BBS2: variants seen among roughly 807,000 people sequenced by gnomAD.
BBS2 encodes the protein BBSome complex member BBS2.
Under a neutral mutation model 83.0 loss-of-function variants are expected in BBS2, and 62 were observed. The ratio of observed to expected loss-of-function variants is 0.75; its 90% CI spans 0.61 to 0.92. The LOEUF (loss-of-function observed/expected upper bound fraction) is 0.92, where lower values mean the gene tolerates loss of function less well. BBS2 is among the 40% of genes least tolerant of loss of function. The probability of loss-of-function intolerance (pLI) is 0.00; values close to 1 mark genes in which losing one functional copy is unlikely to be tolerated. For synonymous variants in BBS2, 303 were observed against 326.1 expected, an observed-to-expected ratio of 0.93 and a Z score of 0.76; for missense variants, 784 against 901.0, an observed-to-expected ratio of 0.87 and a Z score of 1.66.
chr16:56,484,933 G>T, intron 16 of BBS2, 66 bp from the exon 17 acceptor site: 2 of 1,240,880 alleles, frequency 1.6e-6, no homozygotes, highest in Non-Finnish European at 1.2e-6. Context: ...TTAGACGTCA[G>T]TTTTAAAACA....
chr16:56,502,882 C>A, intron 7 of BBS2, 74 bp from the exon 8 acceptor site: 6 of 1,555,110 alleles, frequency 3.9e-6, no homozygotes, highest in Non-Finnish European at 5.3e-6. Flanking sequence ...AAATAAAAAT[C>A]AGCTTTAAAG....
chr16:56,509,584 G>C (rs1351899225), intron 5 of BBS2: 1 of 211,938 alleles, frequency 4.7e-6, no homozygotes, highest in African/African-American at 2.3e-5. Context: ...TTCCTATTAG[G>C]GTTGTTGTAA....
intron 1 of BBS2, among the ~76,000 whole-genome samples, chr16:56,517,149 C>G (rs552597953): frequency 6.6e-6 from 1 of 152,308 alleles, no homozygotes; most frequent in Non-Finnish European, 1.5e-5. Context: ...CTCCCTACAT[C>G]CCGTCACAGA....
At position 56,509,830 on chromosome 16, in the gene BBS2, C is replaced by T. The variant is rs904318761; in HGVS notation, c.612+127G>A. On this transcript the variant is annotated intron_variant, in intron 5 of 16. Coordinates refer to ENST00000245157, the MANE Select transcript of BBS2 (RefSeq NM_031885.5). ...ATAACATACAGCTCTGTCTGACCCC[C>T]TCCCCAAGCTTTTATCCTAAAACCA... The T allele has an allele frequency of 1.8e-5, 16 of 871,560 alleles. No homozygotes were observed. In the Admixed American group the frequency reaches 2.4e-4, roughly 13 times the overall value. 54.0% of individuals were successfully genotyped at this position (871,560 alleles called of 1,614,324 possible).
rs1964592032 is a variant in BBS2 at position 56,512,022 on chromosome 16, T to TA, written c.346-739dup. ...CAATAATAAAGAGACAAACTACCAA[T>TA]AAAAAATAGGCAAAAGACTTAAGAC... On this transcript the variant is annotated intron_variant, in intron 2 of 16. Coordinates refer to ENST00000245157, the MANE Select transcript of BBS2 (RefSeq NM_031885.5). Among the ~76,000 whole-genome samples, 3 of 152,020 alleles carry TA rather than the reference T, an allele frequency of 2.0e-5. No homozygotes were observed. In the South Asian group the frequency reaches 6.2e-4, roughly 32 times the overall value.
intron 5 of BBS2, 175 bp downstream of exon 5, chr16:56,509,782 G>T: frequency 3.3e-6 from 2 of 607,402 alleles, no homozygotes; most frequent in South Asian, 1.9e-5. Context: ...ATCTTAATTA[G>T]GATTTTTATT....
intron 17 of BBS2, chr16:56,475,358 G>C (rs914928661): frequency 3.0e-5 from 22 of 740,710 alleles, no homozygotes; most frequent in African/African-American, 7.1e-5. Flanking sequence ...TAAACTAGAT[G>C]ATAAGTTCAA....
chr16:56,474,954 A>C (rs1963389365), intron 17 of BBS2: 1 of 1,613,416 alleles, frequency 6.2e-7, no homozygotes, highest in Non-Finnish European at 8.5e-7. Flanking sequence ...TGTGAAGGTA[A>C]GAGGGAGGAA....
chr16:56,483,499 G>A (rs1963695160), downstream of BBS2, among the ~76,000 whole-genome samples: 1 of 152,104 alleles, frequency 6.6e-6, no homozygotes, highest in Admixed American at 6.6e-5. Context: ...CATGATTAAA[G>A]GAACCTGGGT....
chr16:56,472,185 G>A (rs1349999716), intron 17 of BBS2, among the ~76,000 whole-genome samples: 1 of 151,770 alleles, frequency 6.6e-6, no homozygotes, highest in Non-Finnish European at 1.5e-5. Flanking sequence ...GCCCAGGCTG[G>A]TCTCAAACCC....
intron 15 of BBS2, among the ~76,000 whole-genome samples, chr16:56,491,725 C>CAAAAA (rs773397021): frequency 2.5e-4 from 11 of 43,196 alleles, no homozygotes; most frequent in Non-Finnish European, 4.1e-4. Flanking sequence ...AACTCAACAG[C>CAAAAA]AAAAAAAAAA....
At chr16:56,519,669 CG>C in intron 1 of BBS2, 76 bp downstream of exon 1, 1 of 1,225,240 alleles carries the variant, frequency 8.2e-7, no homozygotes, top group Non-Finnish European at 1.2e-6. Flanking sequence ...GGAGAGGGGA[CG>C]GGATCCCAGG....
intron 15 of BBS2, 122 bp downstream of exon 15, chr16:56,496,845 C>A: frequency 1.2e-6 from 1 of 804,336 alleles, no homozygotes; most frequent in South Asian, 1.4e-5. Flanking sequence ...ACTGATAATG[C>A]CAAGTTATTT....
rs759318255 is a variant in BBS2, at chr16:56,501,025, T to C, written c.1226A>G (p.Asp409Gly). 3 of 1,614,180 alleles carry C rather than the reference T, an allele frequency of 1.9e-6. No homozygotes were observed. Among genetic ancestry groups the C allele is most frequent in the African/African-American group, 1.3e-5 (1 of 75,052 alleles). ...HTELRISTSN[D>G]TIIRAVLIFA... ...AATCAATACTGCTCGGATGATGGTG[T>C]CTGCAGGGAAGAGTAAAAACAGTTT... Residue 409 changes from aspartate (D) to glycine (G), a missense_variant and splice_region_variant, in exon 11 of 17, where the codon GAC (aspartate) becomes GGC (glycine). Physicochemically the swap from Asp to Gly is moderately conservative, Grantham distance 94. Transcript: ENST00000245157.
intron 2 of BBS2, 49 bp from the exon 3 acceptor site, chr16:56,511,333 C>T: frequency 6.2e-7 from 1 of 1,609,998 alleles, no homozygotes; most frequent in Non-Finnish European, 8.5e-7. Context: ...AATATGCAGG[C>T]CCACATATTA....
intron 14 of BBS2, 183 bp from the exon 15 acceptor site, chr16:56,497,262 C>T: frequency 1.6e-6 from 1 of 643,782 alleles, no homozygotes; most frequent in Non-Finnish European, 2.8e-6. Context: ...GTGCTGCCTC[C>T]AATTTCAACA....
chr16:56,508,490 A>G (rs1179183909), intron 5 of BBS2, among the ~76,000 whole-genome samples: 1 of 151,960 alleles, frequency 6.6e-6, no homozygotes, highest in African/African-American at 2.4e-5. Context: ...AGAATATCTT[A>G]TTTTTTTCTG....
intron 1 of BBS2, among the ~76,000 whole-genome samples, chr16:56,517,625 G>A (rs1023240643): frequency 6.6e-6 from 1 of 152,168 alleles, no homozygotes; most frequent in Admixed American, 6.5e-5. Context: ...CCTCTCAAAT[G>A]TAAGCTCCAA....
chr16:56,473,794 A>G (rs1158788883), intron 17 of BBS2, among the ~76,000 whole-genome samples: 1 of 151,542 alleles, frequency 6.6e-6, no homozygotes, highest in Non-Finnish European at 1.5e-5. Context: ...AAAAAGTTAC[A>G]TATAGGAGTA....
Sources: gnomAD v4.1 joint callset for allele counts (sites outside exome capture counted in the v4.1 genomes callset) on GRCh38, gnomAD v4.1.1 for gene constraint, MANE v1.5 for transcripts, NCBI Gene and HGNC (gene_info 2026-07-23, HGNC 2026-07-21) for gene names.